Variants in GCSAML observed in about 807,000 individuals in gnomAD.
The protein encoded by GCSAML is germinal center-associated signaling and motility-like protein.
GCSAML carries 9 observed loss-of-function variants against 13.0 expected under a neutral mutation model. The ratio of observed to expected loss-of-function variants is 0.69; its 90% CI spans 0.42 to 1.21. The LOEUF (loss-of-function observed/expected upper bound fraction) is 1.21. GCSAML is among the 50% of genes most tolerant of loss of function. The probability of loss-of-function intolerance (pLI) is 0.00; values close to 1 mark genes in which losing one functional copy is unlikely to be tolerated. For synonymous variants in GCSAML, 37 were observed against 52.9 expected, an observed-to-expected ratio of 0.70 and a Z score of 1.31; for missense variants, 143 against 153.4, an observed-to-expected ratio of 0.93 and a Z score of 0.36.
At chr1:247,550,934 C>T (rs1286076930) in intron 1 of GCSAML, among the ~76,000 whole-genome samples, 1 of 152,072 alleles carries the variant, frequency 6.6e-6, no homozygotes, top group African/African-American at 2.4e-5. Flanking sequence ...CAGAGAACAT[C>T]GTACTTAATC....
At chr1:247,562,274 G>C (rs923066333) in intron 2 of GCSAML, among the ~76,000 whole-genome samples, 8 of 152,248 alleles carry the variant, frequency 5.3e-5, no homozygotes, top group African/African-American at 1.9e-4. Flanking sequence ...GACTTTCTCA[G>C]GCTCCTCAGG....
chr1:247,537,335 C>A (rs1009493624), intron 2 of GCSAML, among the ~76,000 whole-genome samples: 1 of 152,214 alleles, frequency 6.6e-6, no homozygotes, highest in Non-Finnish European at 1.5e-5. Flanking sequence ...ATATTCCATT[C>A]TATGACTCTA....
At chr1:247,546,496 C>T (rs1438528214), upstream of GCSAML, among the ~76,000 whole-genome samples, 1 of 151,972 alleles carries the variant, frequency 6.6e-6, no homozygotes, top group African/African-American at 2.4e-5. Flanking sequence ...GTAGCTGGGA[C>T]TACAGGTGCC....
upstream of GCSAML, among the ~76,000 whole-genome samples, chr1:247,545,807 T>C (rs1667547725): frequency 1.3e-5 from 2 of 152,242 alleles, no homozygotes; most frequent in Admixed American, 1.3e-4. Context: ...TTATTAAATA[T>C]ACGGTTTGCA....
chr1:247,514,498 T>C (rs1666148515), intron 1 of GCSAML, among the ~76,000 whole-genome samples: 1 of 152,222 alleles, frequency 6.6e-6, no homozygotes, highest in Admixed American at 6.5e-5. Context: ...TTTATCTTTG[T>C]TTTTGTTCCA....
chr1:247,521,135 A>G (rs1234601422), intron 1 of GCSAML, among the ~76,000 whole-genome samples: 2 of 149,072 alleles, frequency 1.3e-5, no homozygotes, highest in Admixed American at 1.3e-4. Context: ...TTTTTTTGCA[A>G]GGAGAAAATC....
intron 1 of GCSAML, among the ~76,000 whole-genome samples, chr1:247,555,713 G>A (rs972238573): frequency 6.6e-6 from 1 of 152,156 alleles, no homozygotes; most frequent in African/African-American, 2.4e-5. Flanking sequence ...AAACCATCAA[G>A]GAAATGCTAT....
intron 1 of GCSAML, among the ~76,000 whole-genome samples, chr1:247,520,086 T>A (rs937098267): frequency 2.6e-5 from 4 of 152,206 alleles, no homozygotes; most frequent in Non-Finnish European, 5.9e-5. Flanking sequence ...CCTTTAAAAT[T>A]TACACTAAAA....
intron 4 of GCSAML, among the ~76,000 whole-genome samples, chr1:247,567,153 ATTATTTAT>A (rs951028220): frequency 5.3e-5 from 8 of 149,580 alleles, no homozygotes; most frequent in Non-Finnish European, 1.0e-4. Context: ...TATATATTTT[ATTATTTAT>A]TTATTTATTT....
chr1:247,560,835 C>T (rs1390878351), intron 2 of GCSAML, among the ~76,000 whole-genome samples: 1 of 152,196 alleles, frequency 6.6e-6, no homozygotes. Flanking sequence ...GTCACCATAT[C>T]TCAGTGTTCC....
In GCSAML at chr1:247,535,251, G is replaced by A. The variant is rs1667173529; in HGVS notation, c.-148+8197G>A. Among the ~76,000 whole-genome samples the A allele has an allele frequency of 2.0e-5, 3 of 152,166 alleles. No individual in the cohort carries two copies. In the South Asian group the frequency reaches 6.2e-4, roughly 32 times the overall value. On this transcript the variant is annotated intron_variant, in intron 2 of 5. Coordinates refer to the GCSAML transcript ENST00000366489. Reference sequence around the variant, plus strand: ...GATGGCTTCAACCCACGAGATCAAGGCTGTAATGAGGCATGATTGTGCTAC... The same window carrying A: ...GATGGCTTCAACCCACGAGATCAAGACTGTAATGAGGCATGATTGTGCTAC...
chr1:247,539,764 A>C (rs1253087600), intron 2 of GCSAML, among the ~76,000 whole-genome samples: 1 of 152,178 alleles, frequency 6.6e-6, no homozygotes, highest in African/African-American at 2.4e-5. Context: ...GATTACAATC[A>C]TTTTTACAAC....
At chr1:247,563,711 T>C (rs1572366347) in intron 3 of GCSAML, 72 bp downstream of exon 3, 1 of 784,848 alleles carries the variant, frequency 1.3e-6, no homozygotes, top group East Asian at 2.7e-5. Flanking sequence ...GCAGACACTC[T>C]TGAGCCTATT....
intron 4 of GCSAML, among the ~76,000 whole-genome samples, chr1:247,571,695 A>C (rs1668620485): frequency 1.3e-5 from 2 of 152,090 alleles, no homozygotes; most frequent in African/African-American, 2.4e-5. Context: ...TGCTCTTCTC[A>C]GGAGTATCTT....
At position 247,575,660 on chromosome 1, in the gene GCSAML, A is replaced by T. The variant is rs12562345; in HGVS notation, c.*1278A>T. On this transcript the variant is annotated 3_prime_UTR_variant, in exon 5 of 5. Coordinates refer to ENST00000366488, the MANE Select transcript of GCSAML (RefSeq NM_145278.5). ...TGAAATGAAGCATATATAATTGTCA[A>T]TTTTTTCAATTTTCTAGCCAACAGA... The T allele has an allele frequency of 6.6e-6, 1 of 152,120 alleles. No homozygotes were observed. Among genetic ancestry groups the T allele is most frequent in the African/African-American group, 2.4e-5 (1 of 41,438 alleles). The allele number at this position is 152,120 out of a possible 1,614,324, so 9.4% of individuals were successfully genotyped here.
chr1:247,559,934 A>G (rs2103051025), intron 2 of GCSAML, among the ~76,000 whole-genome samples: 2 of 152,288 alleles, frequency 1.3e-5, no homozygotes, highest in Middle Eastern at 3.4e-3. Context: ...CTATCTCCAA[A>G]TACAGTCACA....
chr1:247,562,790 A>G (rs1302453265), intron 2 of GCSAML, among the ~76,000 whole-genome samples: 1 of 151,978 alleles, frequency 6.6e-6, no homozygotes, highest in East Asian at 1.9e-4. Flanking sequence ...CCCTTTAAAA[A>G]TAATCTCTAT....
chr1:247,567,108 G>C (rs73150482), intron 4 of GCSAML, among the ~76,000 whole-genome samples: 11,707 of 150,278 alleles, frequency 0.078, 630 homozygotes, highest in African/African-American at 0.15. Flanking sequence ...CTTGGAGCAA[G>C]GGCTTTTTTT....
chr1:247,561,203 C>T (rs1043516221), intron 2 of GCSAML, among the ~76,000 whole-genome samples: 2 of 152,148 alleles, frequency 1.3e-5, no homozygotes, highest in African/African-American at 2.4e-5. Context: ...ATCCATCTGC[C>T]TTTGCCTCCC....
Sources: allele counts gnomAD v4.1 joint callset (sites outside exome capture counted in the v4.1 genomes callset), GRCh38; gene constraint gnomAD v4.1.1; transcripts MANE v1.5; gene names NCBI Gene and HGNC (gene_info 2026-07-23, HGNC 2026-07-21).